The following DYM variants were observed in gnomAD, a reference collection of about 807,000 sequenced individuals.
DYM encodes the protein dymeclin.
A neutral mutation model predicts 93.1 loss-of-function variants in DYM; 78 were observed. That is an observed-to-expected ratio of 0.84 (90% confidence interval 0.70 to 1.01). DYM has a LOEUF of 1.01. Ranked by LOEUF, DYM falls within the 50% of genes least tolerant of loss-of-function variation. DYM has a pLI of 0.00. For synonymous variants in DYM, 321 were observed against 319.7 expected, an observed-to-expected ratio of 1.00 and a Z score of -0.04; for missense variants, 789 against 845.0, an observed-to-expected ratio of 0.93 and a Z score of 0.82.
intron 14 of DYM, among the ~76,000 whole-genome samples, chr18:49,181,100 G>A (rs1054191080): frequency 3.3e-5 from 5 of 152,108 alleles, no homozygotes; most frequent in African/African-American, 1.2e-4. Flanking sequence ...AGAATCACTG[G>A]AAATACCACG....
intron 17 of DYM, among the ~76,000 whole-genome samples, chr18:49,089,810 A>T (rs1283609041): frequency 1.3e-5 from 2 of 152,240 alleles, no homozygotes; most frequent in Non-Finnish European, 2.9e-5. Flanking sequence ...ATTCCTTCTT[A>T]GATAACCCCA....
intron 6 of DYM, among the ~76,000 whole-genome samples, chr18:49,339,355 G>A (rs1025729719): frequency 6.6e-6 from 1 of 152,194 alleles, no homozygotes; most frequent in African/African-American, 2.4e-5. Context: ...TCATGCCCTT[G>A]TGTAATCCCC....
rs8094085 is a variant in DYM at position 49,393,491 on chromosome 18, A to T, written c.141-1846T>A. 8.5e-5 allele frequency among the ~76,000 whole-genome samples: 13 copies of T among 152,322 alleles called. 1 individual carries two copies. Among genetic ancestry groups the T allele is most frequent in the African/African-American group, 2.6e-4 (11 of 41,570 alleles). ...TAGTCTTAAGAAATAGGGAATTTTG[A>T]CAGGCGCGGTGGCTCATGCCTGTAA... On this transcript the variant is annotated intron_variant, in intron 2 of 17. Transcript: ENST00000675505.
In DYM at chr18:49,114,557, C is replaced by T. The variant is rs527569498; in HGVS notation, c.1911+4187G>A. On this transcript the variant is annotated intron_variant, in intron 16 of 17. Transcript: ENST00000675505. ...CCTCCACTCTGCTTTTCACTTCTTC[C>T]AAAGGAGAATGTGTTTCAAATGGAT... 1.6e-5 allele frequency: 16 copies of T among 985,314 alleles called. No individual in the cohort carries two copies. The Admixed American group carries it at 9.2e-4, about 57-fold the overall frequency. The allele number at this position is 985,314 out of a possible 1,614,324, so 61.0% of individuals were successfully genotyped here.
chr18:49,333,326 G>C lies in DYM; in HGVS notation c.620+402C>G, dbSNP rs529534035. Among the ~76,000 whole-genome samples the C allele has an allele frequency of 2.6e-5, 4 of 152,324 alleles. No individual in the cohort carries two copies. The East Asian group carries it at 7.7e-4, about 29-fold the overall frequency. On this transcript the variant is annotated intron_variant, in intron 7 of 17. Transcript: ENST00000675505. ...GGAATAGTCAGCGAAGAGGCTGCTG[G>C]AGAAGTCCAAAGAGAGTAAGGGGGC...
chr18:49,187,502 AC>A (rs2090561738), intron 14 of DYM, among the ~76,000 whole-genome samples: 1 of 152,252 alleles, frequency 6.6e-6, no homozygotes, highest in African/African-American at 2.4e-5. Context: ...GCAGAATTGT[AC>A]ATTAAACAAG....
chr18:49,370,275 T>C (rs571936162), intron 5 of DYM, among the ~76,000 whole-genome samples: 254 of 123,732 alleles, frequency 2.1e-3, no homozygotes, highest in African/African-American at 8.0e-3. Flanking sequence ...CGAAACTCCA[T>C]CTCAGAAAAA....
chr18:49,132,940 C>A (rs1262998811), intron 15 of DYM, among the ~76,000 whole-genome samples: 2 of 152,024 alleles, frequency 1.3e-5, no homozygotes, highest in Non-Finnish European at 2.9e-5. Flanking sequence ...ACAAACAACT[C>A]GCAAGAATAA....
At chr18:49,127,782 T>G (rs1568463268) in intron 15 of DYM, among the ~76,000 whole-genome samples, 1 of 152,214 alleles carries the variant, frequency 6.6e-6, no homozygotes, top group Non-Finnish European at 1.5e-5. Context: ...TCCAAAATAC[T>G]GAGCTTCTGA....
intron 17 of DYM, among the ~76,000 whole-genome samples, chr18:49,066,576 T>C (rs908365772): frequency 1.3e-5 from 2 of 152,228 alleles, no homozygotes; most frequent in African/African-American, 4.8e-5. Context: ...ATGAACATTC[T>C]TACACATCTC....
At chr18:49,168,581 G>A (rs909157486) in intron 14 of DYM, among the ~76,000 whole-genome samples, 3 of 152,122 alleles carry the variant, frequency 2.0e-5, no homozygotes, top group Middle Eastern at 3.2e-3. Flanking sequence ...GTGAAGGGCC[G>A]CTTTATGGCA....
At chr18:49,392,731 C>T (rs1358780319) in intron 2 of DYM, among the ~76,000 whole-genome samples, 2 of 135,652 alleles carry the variant, frequency 1.5e-5, no homozygotes, top group Non-Finnish European at 3.1e-5. Context: ...GAGGTGGGCT[C>T]ACACCTGTAA....
chr18:49,079,231 G>C (rs562093835), intron 17 of DYM, among the ~76,000 whole-genome samples: 1 of 152,286 alleles, frequency 6.6e-6, no homozygotes, highest in Admixed American at 6.5e-5. Flanking sequence ...GAAAGCCATA[G>C]TAGTTACTTC....
chr18:49,154,844 G>C (rs1319521143), intron 15 of DYM, among the ~76,000 whole-genome samples: 2 of 152,056 alleles, frequency 1.3e-5, no homozygotes, highest in African/African-American at 4.8e-5. Flanking sequence ...TTTTTTCTTT[G>C]AGATCTTTCA....
In DYM at chr18:49,267,851, C is replaced by A. The variant is rs896546578; in HGVS notation, c.1251+4327G>T. On this transcript the variant is annotated intron_variant, in intron 11 of 17. Coordinates refer to ENST00000675505, the MANE Select transcript of DYM (RefSeq NM_001353214.3). ...AGGCGGAGGTTGCAGTGAGCTGGATCCTGCCACTGCACTCTGGCCTGGGAG... is the reference window on the plus strand; with the variant it reads ...AGGCGGAGGTTGCAGTGAGCTGGATACTGCCACTGCACTCTGGCCTGGGAG... Among the ~76,000 whole-genome samples, 3 of 152,116 alleles carry A rather than the reference C, an allele frequency of 2.0e-5. No individual in the cohort carries two copies. The East Asian group carries it at 5.8e-4, about 29-fold the overall frequency.
intron 1 of DYM, among the ~76,000 whole-genome samples, chr18:49,436,096 T>C (rs1398865318): frequency 6.6e-6 from 1 of 152,166 alleles, no homozygotes; most frequent in East Asian, 1.9e-4. Context: ...CACTGTAGCT[T>C]CAAACTCCTG....
chr18:49,260,858 GA>G (rs76130038), intron 11 of DYM, among the ~76,000 whole-genome samples: 5,079 of 135,378 alleles, frequency 0.038, 275 homozygotes, highest in African/African-American at 0.13. Flanking sequence ...ATCTCCGGGA[GA>G]AAAAAAAAAA....
At chr18:49,259,073 A>G (rs1189282856) in intron 11 of DYM, among the ~76,000 whole-genome samples, 1 of 151,984 alleles carries the variant, frequency 6.6e-6, no homozygotes, top group Admixed American at 6.6e-5. Flanking sequence ...TTTCTCCGTG[A>G]CTCAAGGAGA....
In DYM at chr18:49,131,785, T is replaced by G. The variant is rs534650296; in HGVS notation, c.1729-12859A>C. Among the ~76,000 whole-genome samples the G allele has an allele frequency of 7.2e-4, 110 of 152,306 alleles. 2 individuals are homozygous for G. Among genetic ancestry groups the G allele is most frequent in the African/African-American group, 2.6e-3 (109 of 41,578 alleles). The stretch of plus-strand genomic sequence containing the variant: ...CAAGAAAGGAGAATCTGAATCTATT[T>G]AAGACTTTAGAGCTAACTTTAATTA... On this transcript the variant is annotated intron_variant, in intron 15 of 17. Transcript: ENST00000675505.
Sources: allele counts gnomAD v4.1 joint callset (sites outside exome capture counted in the v4.1 genomes callset), GRCh38; gene constraint gnomAD v4.1.1; transcripts MANE v1.5; gene names NCBI Gene and HGNC (gene_info 2026-07-23, HGNC 2026-07-21).